ST6GALNAC5: variants seen among roughly 807,000 people sequenced by gnomAD.
ST6GALNAC5 encodes the protein alpha-N-acetylgalactosaminide alpha-2,6-sialyltransferase 5.
Under a neutral mutation model 33.6 loss-of-function variants are expected in ST6GALNAC5, and 27 were observed. That is an observed-to-expected ratio of 0.80 (90% CI 0.59 to 1.11). The LOEUF is 1.11. Ranked by LOEUF, ST6GALNAC5 falls within the 50% of genes least tolerant of loss-of-function variation. The probability of loss-of-function intolerance (pLI) is 0.00; values close to 1 mark genes in which losing one functional copy is unlikely to be tolerated. For missense variants in ST6GALNAC5, 428 were observed against 454.0 expected (o/e 0.94, Z 0.52); for synonymous variants, 194 against 171.2 (o/e 1.13, Z -1.04).
intron 2 of ST6GALNAC5, among the ~76,000 whole-genome samples, chr1:76,965,490 G>C (rs1050785431): frequency 2.6e-5 from 4 of 152,080 alleles, no homozygotes; most frequent in African/African-American, 9.7e-5. Context: ...TAAGTTCTTT[G>C]TAGATTCTAG....
At chr1:76,892,943 C>A (rs545514473) in intron 2 of ST6GALNAC5, among the ~76,000 whole-genome samples, 1 of 152,296 alleles carries the variant, frequency 6.6e-6, no homozygotes, top group East Asian at 1.9e-4. Context: ...CCCTCCCTCA[C>A]CATAACTTGT....
intron 2 of ST6GALNAC5, among the ~76,000 whole-genome samples, chr1:76,873,757 C>T (rs1653563509): frequency 6.6e-6 from 1 of 152,180 alleles, no homozygotes; most frequent in African/African-American, 2.4e-5. Context: ...AAATATTGCA[C>T]ACATTAAACT....
chr1:77,050,159 C>G, intron 3 of ST6GALNAC5, 99 bp from the exon 4 acceptor site: 2 of 944,590 alleles, frequency 2.1e-6, no homozygotes, highest in East Asian at 2.4e-5. Context: ...GGGAGAGACT[C>G]TTGTTTATAG....
At chr1:77,015,578 A>C (rs1256193876) in intron 2 of ST6GALNAC5, among the ~76,000 whole-genome samples, 2 of 152,156 alleles carry the variant, frequency 1.3e-5, no homozygotes. Context: ...CTAGTAGTCT[A>C]GTGGAGGAGA....
chr1:76,960,545 T>C (rs184163426), intron 2 of ST6GALNAC5, among the ~76,000 whole-genome samples: 32 of 152,204 alleles, frequency 2.1e-4, no homozygotes, highest in African/African-American at 7.5e-4. Context: ...CAAAATTTAT[T>C]AGGCAGGAAT....
intron 2 of ST6GALNAC5, among the ~76,000 whole-genome samples, chr1:77,022,444 A>G (rs1409370100): frequency 2.0e-5 from 3 of 152,232 alleles, no homozygotes; most frequent in African/African-American, 7.2e-5. Context: ...TTACAACAAT[A>G]TTAGATTCAG....
chr1:76,916,686 G>A (rs1445629275), intron 2 of ST6GALNAC5, among the ~76,000 whole-genome samples: 1 of 151,754 alleles, frequency 6.6e-6, no homozygotes, highest in East Asian at 1.9e-4. Flanking sequence ...TCTAGACGGT[G>A]TGTCATAAGC....
intron 2 of ST6GALNAC5, among the ~76,000 whole-genome samples, chr1:76,967,568 T>C (rs1033867800): frequency 6.6e-6 from 1 of 152,220 alleles, no homozygotes; most frequent in African/African-American, 2.4e-5. Context: ...AAGGGTTTTT[T>C]GTGTCTCTAT....
rs1652798465 is a variant in ST6GALNAC5 at position 77,066,929 on chromosome 1, G to T, written c.*3723G>T. Among the ~76,000 whole-genome samples the T allele has an allele frequency of 6.6e-6, 1 of 152,152 alleles. No homozygotes were observed. The highest frequency in any genetic ancestry group is 1.5e-5 in the Non-Finnish European group (1 of 68,030). On this transcript the variant is annotated 3_prime_UTR_variant, in exon 5 of 5. Coordinates refer to ENST00000477717, the MANE Select transcript of ST6GALNAC5 (RefSeq NM_030965.3). The stretch of plus-strand genomic sequence containing the variant: ...AGATCTATCTGGGAAACAGATTTGG[G>T]GTAGGTCCTGCCAGAGTAATGACCA...
intron 2 of ST6GALNAC5, 30 bp from the exon 3 acceptor site, chr1:77,044,174 T>C (rs770121784): frequency 8.3e-6 from 13 of 1,568,196 alleles, no homozygotes; most frequent in Non-Finnish European, 1.1e-5. Context: ...CCTTTGCCCC[T>C]GACAGTGTCC....
chr1:76,945,546 C>T (rs1345586447), intron 2 of ST6GALNAC5, among the ~76,000 whole-genome samples: 4 of 152,024 alleles, frequency 2.6e-5, no homozygotes, highest in African/African-American at 9.7e-5. Context: ...AATGCACAAT[C>T]CCATATATTT....
At chr1:77,040,542 G>A (rs528196188) in intron 2 of ST6GALNAC5, among the ~76,000 whole-genome samples, 9 of 149,306 alleles carry the variant, frequency 6.0e-5, no homozygotes, top group African/African-American at 2.3e-4. Context: ...CGGAAAGAGT[G>A]TTCAGCTGGC....
intron 3 of ST6GALNAC5, among the ~76,000 whole-genome samples, chr1:77,048,134 A>G (rs1226909444): frequency 1.3e-5 from 2 of 152,162 alleles, no homozygotes; most frequent in Non-Finnish European, 2.9e-5. Flanking sequence ...CATTTTACCC[A>G]CAAAGCCTTT....
intron 2 of ST6GALNAC5, among the ~76,000 whole-genome samples, chr1:76,928,466 C>A (rs575591439): frequency 6.6e-6 from 1 of 152,170 alleles, no homozygotes; most frequent in Admixed American, 6.5e-5. Context: ...GTTCTTTTCC[C>A]AATTTCATAG....
At chr1:76,905,540 GCTCA>G (rs1646856771) in intron 2 of ST6GALNAC5, among the ~76,000 whole-genome samples, 1 of 152,150 alleles carries the variant, frequency 6.6e-6, no homozygotes, top group African/African-American at 2.4e-5. Flanking sequence ...CCTTATTCTT[GCTCA>G]CTAATTATTA....
chr1:76,899,497 C>T (rs1352261819), intron 2 of ST6GALNAC5, among the ~76,000 whole-genome samples: 1 of 152,064 alleles, frequency 6.6e-6, no homozygotes, highest in African/African-American at 2.4e-5. Context: ...GGGGTTCCTG[C>T]CCCTCCCCCA....
chr1:76,882,898 C>T (rs1653814367), intron 2 of ST6GALNAC5, among the ~76,000 whole-genome samples: 1 of 152,128 alleles, frequency 6.6e-6, no homozygotes, highest in Non-Finnish European at 1.5e-5. Context: ...TGCCCTCAGC[C>T]TAGGCACTAC....
At chr1:76,896,978 G>T (rs150009033) in intron 2 of ST6GALNAC5, among the ~76,000 whole-genome samples, 2,117 of 152,198 alleles carry the variant, frequency 0.014, 52 homozygotes, top group African/African-American at 0.048. Flanking sequence ...GCCTAGGAAG[G>T]AAAGGAGTTG....
chr1:77,050,316 C>G lies in ST6GALNAC5; in HGVS notation c.730C>G (p.Leu244Val). The G allele has an allele frequency of 6.2e-7, 1 of 1,614,098 alleles. No individual in the cohort carries two copies. The highest frequency in any genetic ancestry group is 8.5e-7 in the Non-Finnish European group (1 of 1,179,948). ...GWFTMTIALELCDRINVYGMV... is the reference protein window; with the variant it reads ...GWFTMTIALEVCDRINVYGMV... ...GTTTACAATGACAATTGCACTGGAG[C>G]TCTGTGACAGGATCAATGTTTATGG... The change falls in exon 4 of 5, where the codon CTC becomes GTC. Residue 244 changes from leucine (L) to valine (V), a missense_variant. Transcript: ENST00000477717.
Sources: allele counts gnomAD v4.1 joint callset (sites outside exome capture counted in the v4.1 genomes callset), GRCh38; gene constraint gnomAD v4.1.1; transcripts MANE v1.5; gene names NCBI Gene and HGNC (gene_info 2026-07-23, HGNC 2026-07-21).